The following SALL2 variants were observed in gnomAD, a reference collection of about 807,000 sequenced individuals.
The protein encoded by SALL2 is spalt like transcription factor 2, also known as sal-like protein 2.
Under a neutral mutation model 58.5 loss-of-function variants are expected in SALL2, and 32 were observed. The observed-to-expected ratio is 0.55, with a 90% CI of 0.41 to 0.74. The LOEUF is 0.74. SALL2 is among the 30% of genes least tolerant of loss of function. The pLI, the probability that SALL2 is intolerant of heterozygous loss-of-function variation, is 0.00. For synonymous variants in SALL2, 516 were observed against 513.6 expected, an observed-to-expected ratio of 1.00 and a Z score of -0.06; for missense variants, 1,201 against 1,268.9, an observed-to-expected ratio of 0.95 and a Z score of 0.81.
chr14:21,525,002 G>A lies in SALL2; in HGVS notation c.720C>T (p.Phe240=), dbSNP rs748006184. ...TGGTTTGGACAGGCTTGATGGGGCTGAAGAGGGGTAGTAGGGGCTTGGTGG... is the reference window on the plus strand; with the variant it reads ...TGGTTTGGACAGGCTTGATGGGGCTAAAGAGGGGTAGTAGGGGCTTGGTGG... ...ASSTKPLLPL[F]SPIKPVQTSK... The change falls in exon 2 of 2, where the codon TTC becomes TTT. Residue 240 remains phenylalanine (F), a synonymous_variant. Transcript: ENST00000537235. This position sits in a 1 kb window ranked among gnomAD's most constrained non-coding sequence, Gnocchi z 4.4. The A allele has an allele frequency of 2.5e-6, 4 of 1,613,936 alleles. No homozygotes were observed. The South Asian group carries it at 4.4e-5, about 18-fold the overall frequency.
Position 21,526,201 on chromosome 14 carries a change from T to G in SALL2, c.-74A>C. The G allele has an allele frequency of 6.6e-7, 1 of 1,523,846 alleles. No individual in the cohort carries two copies. Among genetic ancestry groups the G allele is most frequent in the Non-Finnish European group, 8.8e-7 (1 of 1,139,532 alleles). 94.4% of individuals were successfully genotyped at this position (1,523,846 alleles called of 1,614,324 possible). A position where few individuals can be genotyped will look rare whatever the true frequency, so the allele number is the denominator to read the frequency against. On this transcript the variant is annotated 5_prime_UTR_variant, in exon 1 of 2. Coordinates refer to ENST00000537235, the MANE Select transcript of SALL2 (RefSeq NM_001364564.1). ...TGGGATTGAGGGAGGCGATGGCCGC[T>G]GGGTCTGCGGCAGCCTCTGCACCCA...
chr14:21,524,995 T>G lies in SALL2; in HGVS notation c.727A>C (p.Ile243Leu). Reference protein sequence around the residue: ...TKPLLPLFSPIKPVQTSKTLA... With the variant: ...TKPLLPLFSPLKPVQTSKTLA... ...GTCTTGCTGGTTTGGACAGGCTTGATGGGGCTGAAGAGGGGTAGTAGGGGC... is the reference window on the plus strand; with the variant it reads ...GTCTTGCTGGTTTGGACAGGCTTGAGGGGGCTGAAGAGGGGTAGTAGGGGC... Residue 243 changes from isoleucine to leucine, a missense_variant, in exon 2 of 2, where the codon ATC (isoleucine) becomes CTC (leucine). By Grantham distance (5) the Ile-to-Leu change is conservative (BLOSUM62 2). Transcript: ENST00000537235. 1 of 1,613,792 alleles carries G rather than the reference T, an allele frequency of 6.2e-7. No homozygotes were observed. Among genetic ancestry groups the G allele is most frequent in the Non-Finnish European group, 8.5e-7 (1 of 1,179,880 alleles).
rs77050396 is a variant in SALL2 at position 21,533,549 on chromosome 14, C to A, written c.-114+3413G>T. ...GTTTGCATTTTTCCCCCAGTCACAT[C>A]CTTTGTGTTCTCTAATCCAGATTTC... On this transcript the variant is annotated intron_variant, in intron 1 of 1. Coordinates refer to the SALL2 transcript ENST00000541965. Among the ~76,000 whole-genome samples the A allele has an allele frequency of 2.6e-3, 399 of 151,660 alleles. 1 individual carries two copies. Among genetic ancestry groups the A allele is most frequent in the Non-Finnish European group, 4.0e-3 (269 of 67,962 alleles).
chr14:21,535,170 C>T (rs1323575935), intron 1 of SALL2, among the ~76,000 whole-genome samples: 1 of 151,512 alleles, frequency 6.6e-6, no homozygotes, highest in Non-Finnish European at 1.5e-5. Flanking sequence ...ACGGTGAAAC[C>T]CCGTCTCTAC....
At position 21,523,411 on chromosome 14, in the gene SALL2, C is replaced by A. The variant is rs1311309013; in HGVS notation, c.2311G>T (p.Glu771Ter). Residue 771 changes from glutamate (E) to a stop codon, truncating the protein, a stop_gained, in exon 2 of 2, where the codon GAA (glutamate) becomes TAA (stop). Coordinates refer to ENST00000537235, the MANE Select transcript of SALL2 (RefSeq NM_001364564.1). LOFTEE classifies it high-confidence loss of function. The surrounding 1 kb of genome is among the most constrained non-coding windows in gnomAD (Gnocchi z 4.4). ...SEEEEEEDEE[E>*]EEDVTDEDSL... The stretch of plus-strand genomic sequence containing the variant: ...TCTTCATCAGTCACATCTTCCTCTT[C>A]TTCCTCATCCTCCTCTTCCTCCTCC... 1 of 1,613,840 alleles carries A rather than the reference C, an allele frequency of 6.2e-7. No individual in the cohort carries two copies. The highest frequency in any genetic ancestry group is 2.2e-5 in the East Asian group (1 of 44,894).
In SALL2 at chr14:21,521,964, GGC is replaced by G. The variant is rs1892048393; in HGVS notation, c.*738_*739del. 3 of 1,516,502 alleles carry G rather than the reference GGC, an allele frequency of 2.0e-6. No individual in the cohort carries two copies. Among genetic ancestry groups the G allele is most frequent in the Non-Finnish European group, 2.6e-6 (3 of 1,132,082 alleles). The allele number at this position is 1,516,502 out of a possible 1,614,324, so 93.9% of individuals were successfully genotyped here. Reference sequence around the variant, plus strand: ...CAATTACTGGAGCATCTTCAGTACCGGCACCTTCTGGAGCAGGGGGAGGAAGA... The same window carrying G: ...CAATTACTGGAGCATCTTCAGTACCGACCTTCTGGAGCAGGGGGAGGAAGA... On this transcript the variant is annotated 3_prime_UTR_variant, in exon 2 of 2. Transcript: ENST00000537235.
chr14:21,527,867 A>G (rs1363428650), upstream of SALL2, among the ~76,000 whole-genome samples: 2 of 151,746 alleles, frequency 1.3e-5, no homozygotes, highest in Non-Finnish European at 2.9e-5. Flanking sequence ...AAAAAAAAAA[A>G]AAGCCGGGCG....
chr14:21,522,645 CT>C lies in SALL2; in HGVS notation c.*58del. The C allele has an allele frequency of 6.7e-7, 1 of 1,495,250 alleles. No homozygotes were observed. The highest frequency in any genetic ancestry group is 8.9e-7 in the Non-Finnish European group (1 of 1,123,612). The allele number at this position is 1,495,250 out of a possible 1,614,324, so 92.6% of individuals were successfully genotyped here. ...TCAGGGCTCATAACTCTGGGAGGTCCTTTTGTGAAGCTGTTTCTGCTCTGTG... is the reference window on the plus strand; with the variant it reads ...TCAGGGCTCATAACTCTGGGAGGTCCTTTGTGAAGCTGTTTCTGCTCTGTG... On this transcript the variant is annotated 3_prime_UTR_variant, in exon 2 of 2. Transcript: ENST00000537235.
intron 1 of SALL2, among the ~76,000 whole-genome samples, chr14:21,531,878 C>T (rs1002305118): frequency 7.2e-5 from 11 of 151,852 alleles, no homozygotes; most frequent in Admixed American, 2.0e-4. Flanking sequence ...TACAGGTGTG[C>T]GCCATCACAC....
chr14:21,536,596 G>A (rs896329631), intron 1 of SALL2, among the ~76,000 whole-genome samples: 2 of 152,258 alleles, frequency 1.3e-5, no homozygotes, highest in Admixed American at 6.5e-5. Context: ...TGGGGAGACA[G>A]AGCCAGTTTG....
chr14:21,530,033 C>T (rs1892416061), upstream of SALL2, among the ~76,000 whole-genome samples: 1 of 152,136 alleles, frequency 6.6e-6, no homozygotes, highest in South Asian at 2.1e-4. Context: ...ACAATTGGGA[C>T]ACAGACAAAA....
At chr14:21,533,155 G>A (rs1892509508) in intron 1 of SALL2, among the ~76,000 whole-genome samples, 1 of 151,872 alleles carries the variant, frequency 6.6e-6, no homozygotes, top group African/African-American at 2.4e-5. Context: ...ATGTGCCCAA[G>A]GTCACATAGC....
chr14:21,527,023 CACA>C (rs1279977358), upstream of SALL2, among the ~76,000 whole-genome samples: 4 of 152,314 alleles, frequency 2.6e-5, no homozygotes, highest in East Asian at 1.9e-4. Flanking sequence ...GCCCAGCCTA[CACA>C]ACACCTAATT....
chr14:21,523,712 A>G lies in SALL2; in HGVS notation c.2010T>C (p.Gly670=), dbSNP rs756587400. The part of the protein sequence containing the change: ...KVCGRAFSTR[G]NLRAHFVGHK... ...GGCCCACGAAATGTGCACGCAGATT[A>G]CCCCTGGTGGAGAAGGCTCTGCCAC... Residue 670 remains glycine (G), a synonymous_variant, in exon 2 of 2, where the codon GGT becomes GGC. Coordinates refer to ENST00000537235, the MANE Select transcript of SALL2 (RefSeq NM_001364564.1). This position sits in a 1 kb window ranked among gnomAD's most constrained non-coding sequence, Gnocchi z 4.4. 2.5e-6 allele frequency: 4 copies of G among 1,614,018 alleles called. No individual in the cohort carries two copies. Among genetic ancestry groups the G allele is most frequent in the Non-Finnish European group, 2.5e-6 (3 of 1,180,042 alleles).
Position 21,522,104 on chromosome 14 carries a change from C to T in SALL2, c.*600G>A, listed in dbSNP as rs1892057059. 6.9e-6 allele frequency: 11 copies of T among 1,597,736 alleles called. No individual in the cohort carries two copies. The highest frequency in any genetic ancestry group is 1.7e-5 in the Admixed American group (1 of 59,912). On this transcript the variant is annotated 3_prime_UTR_variant, in exon 2 of 2. Transcript: ENST00000537235. ...TCTTCTCCTTGGCTTCCCTGGATCCCATTGTTGGAGGCACCTTCCCAGCCA... is the reference window on the plus strand; with the variant it reads ...TCTTCTCCTTGGCTTCCCTGGATCCTATTGTTGGAGGCACCTTCCCAGCCA...
At position 21,525,690 on chromosome 14, in the gene SALL2, G is replaced by A. The variant is rs1431572518; in HGVS notation, c.68-36C>T. The A allele has an allele frequency of 1.3e-6, 2 of 1,535,482 alleles. No homozygotes were observed. Among genetic ancestry groups the A allele is most frequent in the Admixed American group, 2.0e-5 (1 of 49,886 alleles). On this transcript the variant is annotated intron_variant, in intron 1 of 1. Coordinates refer to ENST00000537235, the MANE Select transcript of SALL2 (RefSeq NM_001364564.1). This position sits in a 1 kb window ranked among gnomAD's most constrained non-coding sequence, Gnocchi z 4.4. Reference sequence around the variant, plus strand: ...GACAAGGAGAGAGAGCGTGGGTGGCGCAGTTGGGTTGGGTATACCGAGGCT... The same window carrying A: ...GACAAGGAGAGAGAGCGTGGGTGGCACAGTTGGGTTGGGTATACCGAGGCT...
chr14:21,525,405 G>A lies in SALL2; in HGVS notation c.317C>T (p.Thr106Met), dbSNP rs1181899147. ...CCTCTCTGGGCCCCAGGTGGGATCC[G>A]TGGGCACGGAGGACCCAGAATCTGG... is the stretch of plus-strand genomic sequence containing the variant. ...NPPDSGSSVP[T>M]DPTWGPERRG... Residue 106 changes from threonine to methionine, a missense_variant, in exon 2 of 2, where the codon ACG (threonine) becomes ATG (methionine). By Grantham distance (81) the Thr-to-Met change is moderately conservative. Transcript: ENST00000537235. The surrounding 1 kb of genome is among the most constrained non-coding windows in gnomAD (Gnocchi z 4.4). 2 of 1,614,042 alleles carry A rather than the reference G, an allele frequency of 1.2e-6. No individual in the cohort carries two copies. Among genetic ancestry groups the A allele is most frequent in the Admixed American group, 1.7e-5 (1 of 60,004 alleles).
chr14:21,536,414 C>T (rs1241227885), intron 1 of SALL2, among the ~76,000 whole-genome samples: 2 of 152,098 alleles, frequency 1.3e-5, no homozygotes, highest in African/African-American at 2.4e-5. Flanking sequence ...TTCTCGTCTC[C>T]CTCAGGGGAG....
At chr14:21,532,992 T>G (rs1451466120) in intron 1 of SALL2, among the ~76,000 whole-genome samples, 1 of 151,100 alleles carries the variant, frequency 6.6e-6, no homozygotes, top group Non-Finnish European at 1.5e-5. Flanking sequence ...AATAAATAAA[T>G]AAAATAATAA....
Sources: gnomAD v4.1 joint callset for allele counts (sites outside exome capture counted in the v4.1 genomes callset) on GRCh38, gnomAD v4.1.1 for gene constraint, Gnocchi (gnomAD v3.1) non-coding constraint, MANE v1.5 for transcripts, NCBI Gene and HGNC (gene_info 2026-07-23, HGNC 2026-07-21) for gene names.